The following AGBL4 variants were observed in gnomAD, a reference collection of about 807,000 sequenced individuals.
AGBL4 encodes the protein cytosolic carboxypeptidase 6.
In AGBL4, 58 loss-of-function variants were observed where a neutral mutation model predicts 66.4. The observed-to-expected ratio is 0.87, with a 90% confidence interval of 0.71 to 1.09. The LOEUF (loss-of-function observed/expected upper bound fraction) is 1.09, where lower values mean the gene tolerates loss of function less well. Among genes scored for constraint, AGBL4 ranks in the 50% least tolerant of loss-of-function variants. The pLI is 0.00. For synonymous variants in AGBL4, 234 were observed against 222.9 expected (o/e 1.05, Z -0.44); for missense variants, 579 against 631.0 (o/e 0.92, Z 0.88).
chr1:48,971,129 G>A (rs1213200468), intron 5 of AGBL4, among the ~76,000 whole-genome samples: 1 of 152,146 alleles, frequency 6.6e-6, no homozygotes, highest in East Asian at 1.9e-4. Context: ...GCCTTGGACA[G>A]GTACTGGGCT....
At chr1:48,647,575 G>A (rs17373849) in intron 8 of AGBL4, 25,756 of 448,244 alleles carry the variant, frequency 0.057, 916 homozygotes, top group African/African-American at 0.11. Context: ...TTACTTATAC[G>A]TGGCTCTATG....
intron 3 of AGBL4, among the ~76,000 whole-genome samples, chr1:49,685,036 T>C (rs1023724084): frequency 1.1e-4 from 16 of 152,116 alleles, no homozygotes; most frequent in Admixed American, 5.2e-4. Context: ...CAATGGGTAG[T>C]TTTTTGAACC....
intron 1 of AGBL4, among the ~76,000 whole-genome samples, chr1:49,991,340 T>C (rs1659926546): frequency 6.6e-6 from 1 of 152,122 alleles, no homozygotes; most frequent in Admixed American, 6.6e-5. Flanking sequence ...TATAATTATA[T>C]ACCTATATTT....
intron 3 of AGBL4, among the ~76,000 whole-genome samples, chr1:49,430,857 C>T (rs1645770305): frequency 6.6e-6 from 1 of 152,124 alleles, no homozygotes; most frequent in Non-Finnish European, 1.5e-5. Flanking sequence ...GTTTTGCATG[C>T]TTTTACACAA....
chr1:49,855,469 T>C (rs1193981931), intron 1 of AGBL4, among the ~76,000 whole-genome samples: 1 of 152,162 alleles, frequency 6.6e-6, no homozygotes, highest in Admixed American at 6.5e-5. Flanking sequence ...TATCAGCACA[T>C]GGAACAGTTT....
At chr1:48,845,053 T>G (rs1382579291) in intron 6 of AGBL4, among the ~76,000 whole-genome samples, 1 of 152,180 alleles carries the variant, frequency 6.6e-6, no homozygotes, top group East Asian at 1.9e-4. Flanking sequence ...GCTAGTATGT[T>G]TTTTCTTGTA....
At chr1:49,286,482 T>C (rs1276462137) in intron 3 of AGBL4, among the ~76,000 whole-genome samples, 2 of 152,170 alleles carry the variant, frequency 1.3e-5, no homozygotes, top group African/African-American at 4.8e-5. Flanking sequence ...CAGACCAAAA[T>C]CTCCTTAAGC....
intron 1 of AGBL4, chr1:49,994,783 A>T: frequency 4.1e-6 from 1 of 243,344 alleles, no homozygotes; most frequent in Non-Finnish European, 8.2e-6. Context: ...TTGCTGCTGC[A>T]GACTCCATAA....
chr1:49,208,979 G>A (rs1224973967), intron 4 of AGBL4, among the ~76,000 whole-genome samples: 2 of 152,088 alleles, frequency 1.3e-5, no homozygotes, highest in African/African-American at 4.8e-5. Flanking sequence ...GAAGCAGGGA[G>A]TGAGTCAGTG....
intron 3 of AGBL4, among the ~76,000 whole-genome samples, chr1:49,659,024 A>G (rs1646214260): frequency 6.6e-6 from 1 of 152,128 alleles, no homozygotes; most frequent in African/African-American, 2.4e-5. Context: ...AATAAAAAGA[A>G]AAAAAATTTT....
chr1:48,686,659 G>T (rs1646536928), intron 6 of AGBL4, among the ~76,000 whole-genome samples: 1 of 152,216 alleles, frequency 6.6e-6, no homozygotes, highest in Non-Finnish European at 1.5e-5. Context: ...CCCCCAAGGA[G>T]CTGTGACACA....
intron 5 of AGBL4, among the ~76,000 whole-genome samples, chr1:48,916,200 C>T (rs909022935): frequency 2.6e-5 from 4 of 152,134 alleles, no homozygotes; most frequent in South Asian, 2.1e-4. Context: ...GAGAAATAGA[C>T]GTTCTGCGAG....
At chr1:49,253,946 C>A (rs1241577657) in intron 3 of AGBL4, among the ~76,000 whole-genome samples, 2 of 152,116 alleles carry the variant, frequency 1.3e-5, no homozygotes, top group Non-Finnish European at 2.9e-5. Flanking sequence ...GCAGAAAAGG[C>A]TTTTGATAAA....
chr1:49,238,200 C>A (rs1424244984), intron 4 of AGBL4, among the ~76,000 whole-genome samples: 1 of 152,080 alleles, frequency 6.6e-6, no homozygotes, highest in Non-Finnish European at 1.5e-5. Context: ...CCTGGTTTCT[C>A]AAATTTGTAG....
chr1:48,527,647 G>A, the AGBL4 span, among the ~76,000 whole-genome samples: 5 of 151,616 alleles, frequency 3.3e-5, no homozygotes, highest in African/African-American at 9.7e-5. Flanking sequence ...TAGGGCAACC[G>A]AGAAAAGAAA....
chr1:48,943,741 C>A (rs6665446), intron 5 of AGBL4, among the ~76,000 whole-genome samples: 1 of 151,774 alleles, frequency 6.6e-6, no homozygotes, highest in Admixed American at 6.6e-5. Context: ...AATGGGCTAA[C>A]GGAGTCTGGG....
At chr1:49,977,315 C>G (rs1658649163) in intron 1 of AGBL4, among the ~76,000 whole-genome samples, 1 of 151,436 alleles carries the variant, frequency 6.6e-6, no homozygotes, top group Non-Finnish European at 1.5e-5. Context: ...GGCTTCACCT[C>G]TCGTCTTCCA....
rs190981725 is a variant in AGBL4 at position 49,623,641 on chromosome 1, C to T, written c.282+73672G>A. Among the ~76,000 whole-genome samples the T allele has an allele frequency of 1.9e-3, 289 of 152,264 alleles. 3 individuals carry two copies. The highest frequency in any genetic ancestry group is 6.7e-3 in the African/African-American group (279 of 41,532). On this transcript the variant is annotated intron_variant, in intron 3 of 13. Coordinates refer to ENST00000371839, the MANE Select transcript of AGBL4 (RefSeq NM_032785.4). Reference sequence around the variant, plus strand: ...TATAAATCCATTTCCCCTGAACATTCCAGTTAAATTCTGTGGTCTCATTAC... The same window carrying T: ...TATAAATCCATTTCCCCTGAACATTTCAGTTAAATTCTGTGGTCTCATTAC...
intron 3 of AGBL4, among the ~76,000 whole-genome samples, chr1:49,515,291 T>G (rs1649685600): frequency 6.6e-6 from 1 of 152,106 alleles, no homozygotes; most frequent in Non-Finnish European, 1.5e-5. Flanking sequence ...GAAAAAATGC[T>G]CATCATCACT....
Sources: allele counts gnomAD v4.1 joint callset (sites outside exome capture counted in the v4.1 genomes callset), GRCh38; gene constraint gnomAD v4.1.1; transcripts MANE v1.5; gene names NCBI Gene and HGNC (gene_info 2026-07-23, HGNC 2026-07-21).